The following NPHS2 variants were observed in gnomAD, a reference collection of about 807,000 sequenced individuals.
NPHS2 encodes podocin.
A neutral mutation model predicts 37.1 loss-of-function variants in NPHS2; 36 were observed. The observed-to-expected ratio is 0.97, with a 90% CI of 0.74 to 1.28. The LOEUF (loss-of-function observed/expected upper bound fraction) is 1.28, where lower values mean the gene tolerates loss of function less well. NPHS2 is among the 50% of genes most tolerant of loss of function. NPHS2 has a pLI of 0.00. For missense variants in NPHS2, 447 were observed against 488.1 expected (o/e 0.92, Z 0.79); for synonymous variants, 196 against 189.3 (o/e 1.04, Z -0.29).
At position 179,550,773 on chromosome 1, in the gene NPHS2, A is replaced by G; in HGVS notation, c.*400T>C. ...GACAGAAGAGCAATAGAGTGTGACA[A>G]GCCCAATGATAGGTGCTTGTAGGAA... On this transcript the variant is annotated 3_prime_UTR_variant, in exon 8 of 8. Transcript: ENST00000367615. 3.5e-6 allele frequency: 1 copy of G among 284,184 alleles called. No individual in the cohort carries two copies. Among genetic ancestry groups the G allele is most frequent in the South Asian group, 4.1e-5 (1 of 24,652 alleles). The allele number at this position is 284,184 out of a possible 1,614,324, so 17.6% of individuals were successfully genotyped here.
chr1:179,550,626 G>T lies in NPHS2; in HGVS notation c.*547C>A, dbSNP rs773220165. The T allele has an allele frequency of 6.4e-6, 1 of 155,834 alleles. No individual in the cohort carries two copies. The highest frequency in any genetic ancestry group is 2.4e-5 in the African/African-American group (1 of 41,458). The allele number at this position is 155,834 out of a possible 1,614,324, so 9.7% of individuals were successfully genotyped here. A position where few individuals can be genotyped will look rare whatever the true frequency, so the allele number is the denominator to read the frequency against. ...TTTGCATTCACTCTGAAACATTTAA[G>T]TGTCACTTTAGGTAACTATCAGGGT... On this transcript the variant is annotated 3_prime_UTR_variant, in exon 8 of 8. Transcript: ENST00000367615.
At position 179,551,364 on chromosome 1, in the gene NPHS2, G is replaced by A; in HGVS notation, c.961C>T (p.Leu321Phe). 2 of 1,614,166 alleles carry A rather than the reference G, an allele frequency of 1.2e-6. No individual in the cohort carries two copies. Among genetic ancestry groups the A allele is most frequent in the East Asian group, 2.2e-5 (1 of 44,876 alleles). Residue 321 changes from leucine to phenylalanine, a missense_variant, in exon 8 of 8, where the codon CTT (leucine) becomes TTT (phenylalanine). Physicochemically the swap from Leu to Phe is conservative, Grantham distance 22 (BLOSUM62 0). Transcript: ENST00000367615. ...ILSGTPAAVQ[L>F]RYLHTLQSLS... is the part of the protein sequence containing the mutation. ...GACTGAAGGGTGTGGAGGTATCGAAGCTGAACGGCAGCAGGGGTGCCTGAC... is the reference window on the plus strand; with the variant it reads ...GACTGAAGGGTGTGGAGGTATCGAAACTGAACGGCAGCAGGGGTGCCTGAC...
rs954780268 is a variant in NPHS2 at position 179,561,810 on chromosome 1, AT to A, written c.379-450del. ...GGCTGCTTCAAAATGATTCAATTGG[AT>A]TTTTTTTTTTCTAGATGAAGTTTCG... On this transcript the variant is annotated intron_variant, in intron 2 of 7. Transcript: ENST00000367615. Among the ~76,000 whole-genome samples the A allele has an allele frequency of 4.3e-3, 642 of 147,902 alleles. 4 individuals carry two copies. The highest frequency in any genetic ancestry group is 0.015 in the African/African-American group (591 of 40,524).
intron 6 of NPHS2, 23 bp downstream of exon 6, chr1:179,554,453 T>C (rs548134182): frequency 2.4e-5 from 39 of 1,614,136 alleles, no homozygotes; most frequent in Admixed American, 5.0e-5. Context: ...CATACAGTTC[T>C]TGCTAGTTAA....
intron 2 of NPHS2, among the ~76,000 whole-genome samples, chr1:179,564,369 G>A (rs1048501411): frequency 6.6e-6 from 1 of 152,184 alleles, no homozygotes; most frequent in South Asian, 2.1e-4. Context: ...TGGAGTGGAT[G>A]TCATGATCCA....
At chr1:179,570,920 T>C (rs1288742057) in intron 1 of NPHS2, among the ~76,000 whole-genome samples, 1 of 152,210 alleles carries the variant, frequency 6.6e-6, no homozygotes, top group Admixed American at 6.5e-5. Context: ...CATCAGGTCA[T>C]TTAAGGTCTT....
chr1:179,561,791 T>C (rs78512513), intron 2 of NPHS2, among the ~76,000 whole-genome samples: 1,933 of 152,282 alleles, frequency 0.013, 43 homozygotes, highest in African/African-American at 0.045. Flanking sequence ...CTGAGGCTGC[T>C]TCAAAATGAT....
chr1:179,572,641 G>T (rs1674606669), intron 1 of NPHS2, among the ~76,000 whole-genome samples: 1 of 152,146 alleles, frequency 6.6e-6, no homozygotes, highest in Admixed American at 6.5e-5. Context: ...TAACCTCCAG[G>T]TACTAGAAAA....
intron 7 of NPHS2, 60 bp downstream of exon 7, chr1:179,552,543 A>G: frequency 7.6e-7 from 1 of 1,314,698 alleles, no homozygotes; most frequent in Non-Finnish European, 1.1e-6. Flanking sequence ...CAAAGGGGAA[A>G]TGTTCTCCAC....
rs1673947247 is a variant in NPHS2 at position 179,556,727 on chromosome 1, A to G, written c.738+300T>C. On this transcript the variant is annotated intron_variant, in intron 5 of 7. Coordinates refer to ENST00000367615, the MANE Select transcript of NPHS2 (RefSeq NM_014625.4). This position sits in a 1 kb window ranked among gnomAD's most constrained non-coding sequence, Gnocchi z 4.1. ...CCTCCTGTCCATCCCCACCAACCCC[A>G]CCGTTCCTGCCAGCAATCATTCTGA... Among the ~76,000 whole-genome samples, 1 of 151,876 alleles carries G rather than the reference A, an allele frequency of 6.6e-6. No homozygotes were observed. The highest frequency in any genetic ancestry group is 1.5e-5 in the Non-Finnish European group (1 of 67,976).
chr1:179,569,979 T>C (rs1674489332), intron 1 of NPHS2, among the ~76,000 whole-genome samples: 3 of 152,226 alleles, frequency 2.0e-5, no homozygotes, highest in African/African-American at 7.2e-5. Flanking sequence ...CTTAACACTT[T>C]TTCCTTCATT....
chr1:179,572,747 CTTCCTTCCTTCT>C (rs1281966639), intron 1 of NPHS2, among the ~76,000 whole-genome samples: 1 of 151,860 alleles, frequency 6.6e-6, no homozygotes, highest in African/African-American at 2.4e-5. Flanking sequence ...TCCTTCCTTT[CTTCCTTCCTTCT>C]TTCCTTCCTT....
intron 2 of NPHS2, among the ~76,000 whole-genome samples, chr1:179,563,566 G>T (rs1211673477): frequency 6.6e-6 from 1 of 152,102 alleles, no homozygotes; most frequent in Admixed American, 6.5e-5. Flanking sequence ...AATATGCTAG[G>T]CCATAAAACT....
At chr1:179,568,100 A>G (rs1400944170) in intron 1 of NPHS2, among the ~76,000 whole-genome samples, 7 of 151,992 alleles carry the variant, frequency 4.6e-5, no homozygotes, top group Admixed American at 6.5e-5. Flanking sequence ...CTCTTTTTCT[A>G]TTGATTGGAA....
In NPHS2 at chr1:179,556,482, C is replaced by T. The variant is rs1572276694; in HGVS notation, c.738+545G>A. 6.6e-6 allele frequency among the ~76,000 whole-genome samples: 1 copy of T among 152,176 alleles called. No individual in the cohort carries two copies. The highest frequency in any genetic ancestry group is 1.9e-4 in the East Asian group (1 of 5,196). On this transcript the variant is annotated intron_variant, in intron 5 of 7. Coordinates refer to ENST00000367615, the MANE Select transcript of NPHS2 (RefSeq NM_014625.4). This position sits in a 1 kb window ranked among gnomAD's most constrained non-coding sequence, Gnocchi z 4.1. ...GCTGTCTGTGGACTAGAGGGAGCTG[C>T]TTGTGAAGCAGTTCTTGCTCTTTCC...
chr1:179,564,509 G>A (rs1674261169), intron 2 of NPHS2, among the ~76,000 whole-genome samples, 181 bp downstream of exon 2: 1 of 152,212 alleles, frequency 6.6e-6, no homozygotes, highest in African/African-American at 2.4e-5. Flanking sequence ...AGTCAAGGAA[G>A]GCTTCCTGTT....
At chr1:179,571,236 A>G (rs1674538841) in intron 1 of NPHS2, among the ~76,000 whole-genome samples, 1 of 152,194 alleles carries the variant, frequency 6.6e-6, no homozygotes, top group African/African-American at 2.4e-5. Flanking sequence ...GGTGACCTAC[A>G]GATGTGGTTT....
chr1:179,568,718 T>C (rs564413956), intron 1 of NPHS2, among the ~76,000 whole-genome samples: 8 of 152,338 alleles, frequency 5.3e-5, no homozygotes, highest in Non-Finnish European at 8.8e-5. Flanking sequence ...ACATCCTGCT[T>C]TAAATGCGTC....
At chr1:179,551,869 C>A in intron 7 of NPHS2, 1 of 210,786 alleles carries the variant, frequency 4.7e-6, no homozygotes, top group Non-Finnish European at 9.6e-6. Context: ...CAAATGCTAC[C>A]TGAAAGTGGG....
Sources: gnomAD v4.1 joint callset for allele counts (sites outside exome capture counted in the v4.1 genomes callset) on GRCh38, gnomAD v4.1.1 for gene constraint, Gnocchi (gnomAD v3.1) non-coding constraint, MANE v1.5 for transcripts, NCBI Gene and HGNC (gene_info 2026-07-23, HGNC 2026-07-21) for gene names.